The following SMIM21 variants were observed in gnomAD, a reference collection of about 807,000 sequenced individuals.
SMIM21 encodes the protein chromosome 18 open reading frame 62.
SMIM21 carries 8 observed loss-of-function variants against 8.6 expected under a neutral mutation model. That is an observed-to-expected ratio of 0.93 (90% CI 0.55 to 1.68). The LOEUF (loss-of-function observed/expected upper bound fraction) is 1.68. Among genes scored for constraint, SMIM21 ranks in the 40% most tolerant of loss-of-function variants. The probability of loss-of-function intolerance (pLI) is 0.00; values close to 1 mark genes in which losing one functional copy is unlikely to be tolerated. For missense variants in SMIM21, 132 were observed against 123.0 expected, an observed-to-expected ratio of 1.07 and a Z score of -0.35; for synonymous variants, 43 against 41.7, an observed-to-expected ratio of 1.03 and a Z score of -0.12.
intron 1 of SMIM21, among the ~76,000 whole-genome samples, chr18:75,424,725 C>T (rs987339176): frequency 6.6e-6 from 1 of 152,196 alleles, no homozygotes; most frequent in African/African-American, 2.4e-5. Context: ...AACACCCCTG[C>T]CTCCCCAATC....
At chr18:75,418,236 A>G (rs185766156) in intron 2 of SMIM21, 2 of 398,492 alleles carry the variant, frequency 5.0e-6, no homozygotes, top group Admixed American at 8.8e-5. Flanking sequence ...CAGTTTAAAT[A>G]TAAGCCTCTG....
chr18:75,419,014 TTAAAA>T, intron 1 of SMIM21, 98 bp from the exon 2 acceptor site: 1 of 681,010 alleles, frequency 1.5e-6, no homozygotes. Context: ...TTAATTTTGT[TTAAAA>T]TAAATAAGTT....
Position 75,427,623 on chromosome 18 carries a change from C to T in SMIM21, c.-60G>A. 6.6e-7 allele frequency: 1 copy of T among 1,508,332 alleles called. No homozygotes were observed. Among genetic ancestry groups the T allele is most frequent in the Admixed American group, 1.9e-5 (1 of 51,522 alleles). The allele number at this position is 1,508,332 out of a possible 1,614,324, so 93.4% of individuals were successfully genotyped here. A position where few individuals can be genotyped will look rare whatever the true frequency, so the allele number is the denominator to read the frequency against. ...CTTGATGACAGCGACTCTGAGGACA[C>T]AGAGCTGGTGCTATAAGACCTGGTA... On this transcript the variant is annotated 5_prime_UTR_variant, in exon 1 of 3. The change creates a new upstream start codon in the 5' untranslated region. Transcript: ENST00000579022.
rs149167647 is a variant in SMIM21 at position 75,425,016 on chromosome 18, C to T, written c.129+2419G>A. Among the ~76,000 whole-genome samples, 803 of 152,266 alleles carry T rather than the reference C, an allele frequency of 5.3e-3. 2 individuals carry two copies. Among genetic ancestry groups the T allele is most frequent in the Non-Finnish European group, 8.5e-3 (579 of 68,016 alleles). ...GGATCAGCTCCCTCAAGTCTCATGG[C>T]GATGGGCGAGTGTATCTGCTGTTAC... On this transcript the variant is annotated intron_variant, in intron 1 of 2. Transcript: ENST00000579022.
At chr18:75,423,845 G>C (rs2024733665) in intron 1 of SMIM21, among the ~76,000 whole-genome samples, 1 of 152,144 alleles carries the variant, frequency 6.6e-6, no homozygotes, top group Non-Finnish European at 1.5e-5. Context: ...AAGTGTACAA[G>C]AGACATAAAA....
intron 2 of SMIM21, among the ~76,000 whole-genome samples, chr18:75,414,734 A>T (rs191574839): frequency 6.6e-6 from 1 of 152,272 alleles, no homozygotes; most frequent in East Asian, 1.9e-4. Context: ...GAATAAGAGG[A>T]TCCGGGAGAG....
chr18:75,423,976 T>G (rs1325606965), intron 1 of SMIM21, among the ~76,000 whole-genome samples: 1 of 152,236 alleles, frequency 6.6e-6, no homozygotes, highest in African/African-American at 2.4e-5. Context: ...AACTGTTTTA[T>G]CCTTTAGTTT....
intron 1 of SMIM21, among the ~76,000 whole-genome samples, chr18:75,424,267 G>T (rs1188233228): frequency 2.6e-5 from 4 of 152,174 alleles, no homozygotes; most frequent in African/African-American, 9.7e-5. Flanking sequence ...TATTACGGGT[G>T]TCCACGTCAG....
At position 75,422,277 on chromosome 18, in the gene SMIM21, C is replaced by T. The variant is rs185621712; in HGVS notation, c.130-3361G>A. On this transcript the variant is annotated intron_variant, in intron 1 of 2. Coordinates refer to ENST00000579022, the MANE Select transcript of SMIM21 (RefSeq NM_001037331.3). ...ATATAGGAATTTGACTCAATGGGCA[C>T]CTCAAAGATTGTGTCATCTGAGTCA... Among the ~76,000 whole-genome samples the T allele has an allele frequency of 1.1e-4, 17 of 152,196 alleles. No individual in the cohort carries two copies. In the East Asian group the frequency reaches 3.1e-3, roughly 28 times the overall value.
intron 1 of SMIM21, among the ~76,000 whole-genome samples, chr18:75,419,739 G>T (rs10514169): frequency 6.6e-6 from 1 of 152,022 alleles, no homozygotes; most frequent in Non-Finnish European, 1.5e-5. Context: ...CTAAAAACTT[G>T]TAGATATACT....
In SMIM21 at chr18:75,410,714, A is replaced by T; in HGVS notation, c.*150T>A. On this transcript the variant is annotated 3_prime_UTR_variant, in exon 3 of 3. Transcript: ENST00000579022. ...GCAGACATTATCATTGCAAAAAGTT[A>T]CACGTTCTTCATTCTCTCTGTGGAG... 1.4e-6 allele frequency: 2 copies of T among 1,450,928 alleles called. No homozygotes were observed. Among genetic ancestry groups the T allele is most frequent in the Non-Finnish European group, 1.8e-6 (2 of 1,106,872 alleles). The allele number at this position is 1,450,928 out of a possible 1,614,324, so 89.9% of individuals were successfully genotyped here. A position where few individuals can be genotyped will look rare whatever the true frequency, so the allele number is the denominator to read the frequency against.
chr18:75,423,731 G>A (rs536744411), intron 1 of SMIM21, among the ~76,000 whole-genome samples: 1 of 152,352 alleles, frequency 6.6e-6, no homozygotes, highest in Admixed American at 6.5e-5. Context: ...TTTCAGGAAA[G>A]AGCAGTGAAT....
At chr18:75,426,650 A>ATGG (rs1568156508) in intron 1 of SMIM21, among the ~76,000 whole-genome samples, 1 of 72,818 alleles carries the variant, frequency 1.4e-5, no homozygotes, top group African/African-American at 3.9e-5. Flanking sequence ...AAAAAAAAAA[A>ATGG]AAAAAAAAAA....
chr18:75,425,517 C>T (rs987872250), intron 1 of SMIM21, among the ~76,000 whole-genome samples: 1 of 152,204 alleles, frequency 6.6e-6, no homozygotes, highest in African/African-American at 2.4e-5. Context: ...GAATTGTTCA[C>T]ACCTGAAACC....
chr18:75,427,053 T>C (rs4622605), intron 1 of SMIM21, among the ~76,000 whole-genome samples: 40,379 of 152,082 alleles, frequency 0.27, 6,417 homozygotes, highest in Middle Eastern at 0.37. Context: ...TCTGGGTAGG[T>C]TGAGTTTGTA....
chr18:75,413,267 C>T (rs962997960), intron 2 of SMIM21, among the ~76,000 whole-genome samples: 1 of 152,194 alleles, frequency 6.6e-6, no homozygotes, highest in Non-Finnish European at 1.5e-5. Flanking sequence ...GTTCAGCTGC[C>T]AAGCTTTCTG....
At chr18:75,414,550 G>T (rs757405469) in intron 2 of SMIM21, among the ~76,000 whole-genome samples, 20 of 152,152 alleles carry the variant, frequency 1.3e-4, no homozygotes, top group Non-Finnish European at 2.5e-4. Context: ...CATTACCTCT[G>T]GGGCCCAGGG....
chr18:75,412,855 C>T (rs1196837089), intron 2 of SMIM21, among the ~76,000 whole-genome samples: 3 of 152,154 alleles, frequency 2.0e-5, no homozygotes, highest in African/African-American at 7.2e-5. Context: ...GTTTTTCTTT[C>T]TCCTTCCTCC....
intron 1 of SMIM21, among the ~76,000 whole-genome samples, chr18:75,426,553 C>T (rs2024764336): frequency 6.9e-6 from 1 of 145,442 alleles, no homozygotes; most frequent in Non-Finnish European, 1.5e-5. Context: ...TTGTGATCTC[C>T]TCGCCTCGGC....
Sources: gnomAD v4.1 joint callset for allele counts (sites outside exome capture counted in the v4.1 genomes callset) on GRCh38, gnomAD v4.1.1 for gene constraint, MANE v1.5 for transcripts, NCBI Gene and HGNC (gene_info 2026-07-23, HGNC 2026-07-21) for gene names.